The following GLIS3 variants were observed in gnomAD, a reference collection of about 807,000 sequenced individuals.
GLIS3 encodes zinc finger protein GLIS3.
Under a neutral mutation model 78.6 loss-of-function variants are expected in GLIS3, and 53 were observed. The ratio of observed to expected loss-of-function variants is 0.67; its 90% CI spans 0.54 to 0.85. The LOEUF is 0.85. Among genes scored for constraint, GLIS3 ranks in the 40% least tolerant of loss-of-function variants. GLIS3 has a pLI of 0.00. For synonymous variants in GLIS3, 684 were observed against 509.9 expected (o/e 1.34, Z -4.60); for missense variants, 1,703 against 1,231.1 (o/e 1.38, Z -5.74).
chr9:4,176,519 A>G (rs1027336593), intron 2 of GLIS3, among the ~76,000 whole-genome samples: 3 of 152,018 alleles, frequency 2.0e-5, no homozygotes, highest in Admixed American at 6.6e-5. Context: ...CTACTTAACT[A>G]TTTCTTTACT....
chr9:4,355,918 A>G, the GLIS3 span, among the ~76,000 whole-genome samples: 2 of 152,226 alleles, frequency 1.3e-5, no homozygotes, highest in African/African-American at 4.8e-5. Flanking sequence ...CTTGATTAGC[A>G]TGCGTTTGGT....
intron 4 of GLIS3, among the ~76,000 whole-genome samples, chr9:4,057,578 A>C (rs1213356152): frequency 1.3e-5 from 2 of 152,216 alleles, no homozygotes; most frequent in Non-Finnish European, 2.9e-5. Context: ...GTCCTTGAAA[A>C]AAAAGCACAA....
intron 4 of GLIS3, among the ~76,000 whole-genome samples, chr9:4,039,302 T>A (rs944362851): frequency 1.3e-5 from 2 of 152,130 alleles, no homozygotes; most frequent in Admixed American, 6.5e-5. Flanking sequence ...TGAAAAAAAA[T>A]TATTTTTCCC....
the GLIS3 span, among the ~76,000 whole-genome samples, chr9:4,431,364 C>G: frequency 6.6e-6 from 1 of 152,200 alleles, no homozygotes. Context: ...GAAAAAATAA[C>G]TAGGAGATTT....
At chr9:3,861,545 A>G (rs1820214296) in intron 8 of GLIS3, among the ~76,000 whole-genome samples, 2 of 68 alleles carry the variant, frequency 0.029, no homozygotes, top group Non-Finnish European at 0.053. Context: ...CCAAATGCCC[A>G]TCAAGATAGA....
At chr9:4,227,981 C>T (rs1351354191) in intron 2 of GLIS3, among the ~76,000 whole-genome samples, 2 of 152,102 alleles carry the variant, frequency 1.3e-5, no homozygotes, top group East Asian at 3.9e-4. Flanking sequence ...CAGTACATGT[C>T]TAACTTAGAA....
the GLIS3 span, among the ~76,000 whole-genome samples, chr9:4,482,933 G>C: frequency 6.6e-6 from 1 of 150,506 alleles, no homozygotes; most frequent in Admixed American, 6.6e-5. Flanking sequence ...GGGAAAAAAA[G>C]AGAGAAGCTA....
chr9:4,135,529 T>C (rs1453929371), intron 2 of GLIS3, among the ~76,000 whole-genome samples: 1 of 152,174 alleles, frequency 6.6e-6, no homozygotes, highest in Non-Finnish European at 1.5e-5. Flanking sequence ...GCATTATTAC[T>C]TATTACTCTA....
chr9:4,317,825 T>C (rs960485), intron 2 of GLIS3, among the ~76,000 whole-genome samples: 57,693 of 152,098 alleles, frequency 0.38, 12,756 homozygotes, highest in East Asian at 0.57. Context: ...GTGAATGAAG[T>C]AGCACATGTA....
chr9:3,944,347 A>G (rs1816145265), intron 4 of GLIS3, among the ~76,000 whole-genome samples: 1 of 152,250 alleles, frequency 6.6e-6, no homozygotes, highest in Non-Finnish European at 1.5e-5. Flanking sequence ...CATCATGGGC[A>G]TTATATCATA....
chr9:4,125,740 T>TATAA lies in GLIS3; in HGVS notation c.589_590insTTAT (p.Asp197ValfsTer10). ...AAAAAAGTTAACTTGAGACCTGGTA[T>TATAA]CTGAAGGAGGTATATTCAGGTTGGC... On this transcript the variant is annotated frameshift_variant, in exon 3 of 11. Coordinates refer to ENST00000381971, the MANE Select transcript of GLIS3 (RefSeq NM_001042413.2). LOFTEE classifies it high-confidence loss of function. 6.2e-7 allele frequency: 1 copy of TATAA among 1,612,924 alleles called. No individual in the cohort carries two copies. The highest frequency in any genetic ancestry group is 2.2e-5 in the East Asian group (1 of 44,876).
chr9:3,954,835 T>A (rs1816980263), intron 4 of GLIS3, among the ~76,000 whole-genome samples: 1 of 152,200 alleles, frequency 6.6e-6, no homozygotes, highest in South Asian at 2.1e-4. Context: ...GAGAATAAAG[T>A]AAAAGAGGAT....
chr9:4,115,552 A>G (rs1258866807), intron 4 of GLIS3, among the ~76,000 whole-genome samples: 3 of 152,144 alleles, frequency 2.0e-5, no homozygotes, highest in Non-Finnish European at 2.9e-5. Context: ...CAGGTATTCT[A>G]TCTGTGGATT....
At chr9:4,046,569 C>T (rs1536468) in intron 4 of GLIS3, among the ~76,000 whole-genome samples, 2 of 152,066 alleles carry the variant, frequency 1.3e-5, no homozygotes, top group East Asian at 1.9e-4. Context: ...GAAGCTAATA[C>T]GATAAGTTGT....
intron 4 of GLIS3, among the ~76,000 whole-genome samples, chr9:3,974,208 G>C (rs1003055674): frequency 2.6e-5 from 4 of 151,984 alleles, no homozygotes; most frequent in African/African-American, 9.7e-5. Flanking sequence ...TACAGTGGCA[G>C]GTCAAGAACT....
chr9:3,882,468 T>A (rs923032967), intron 7 of GLIS3, among the ~76,000 whole-genome samples: 2 of 151,910 alleles, frequency 1.3e-5, no homozygotes, highest in African/African-American at 2.4e-5. Context: ...GCTACCATGC[T>A]ACGGCTGGTG....
chr9:4,146,988 T>G (rs1414192756), intron 2 of GLIS3, among the ~76,000 whole-genome samples: 1 of 152,230 alleles, frequency 6.6e-6, no homozygotes, highest in Non-Finnish European at 1.5e-5. Flanking sequence ...GCACTAGATC[T>G]TATACCAAAT....
At chr9:4,167,872 G>A (rs547713147) in intron 2 of GLIS3, among the ~76,000 whole-genome samples, 3 of 152,278 alleles carry the variant, frequency 2.0e-5, no homozygotes, top group African/African-American at 7.2e-5. Context: ...CGAAGTGTTT[G>A]TTTCAAGGTG....
intron 4 of GLIS3, among the ~76,000 whole-genome samples, chr9:3,945,409 G>T (rs1250243653): frequency 6.6e-6 from 1 of 152,172 alleles, no homozygotes; most frequent in Non-Finnish European, 1.5e-5. Flanking sequence ...CCTCCTCCAT[G>T]AATGGACCAT....
Sources: allele counts gnomAD v4.1 joint callset (sites outside exome capture counted in the v4.1 genomes callset), GRCh38; gene constraint gnomAD v4.1.1; transcripts MANE v1.5; gene names NCBI Gene and HGNC (gene_info 2026-07-23, HGNC 2026-07-21).